Variants in DNAJB14 observed in about 807,000 individuals in gnomAD.
DNAJB14 encodes the protein dnaJ homolog subfamily B member 14.
Under a neutral mutation model 48.4 loss-of-function variants are expected in DNAJB14, and 22 were observed. The observed-to-expected ratio is 0.45, with a 90% CI of 0.32 to 0.65. The LOEUF (loss-of-function observed/expected upper bound fraction) is 0.65, where lower values mean the gene tolerates loss of function less well. Ranked by LOEUF, DNAJB14 falls within the 30% of genes least tolerant of loss-of-function variation. The probability of loss-of-function intolerance (pLI) is 0.03; values close to 1 mark genes in which losing one functional copy is unlikely to be tolerated. For synonymous variants in DNAJB14, 142 were observed against 158.7 expected (o/e 0.89, Z 0.79); for missense variants, 319 against 458.8 (o/e 0.70, Z 2.78).
At chr4:99,930,387 TATAAC>T in intron 2 of DNAJB14, 58 bp downstream of exon 2, 2 of 1,476,734 alleles carry the variant, frequency 1.4e-6, no homozygotes, top group Non-Finnish European at 1.8e-6. Context: ...TTTCAGGTGT[TATAAC>T]ATCAAAAAGT....
intron 5 of DNAJB14, chr4:99,905,960 C>A: frequency 7.6e-7 from 1 of 1,310,852 alleles, no homozygotes; most frequent in Non-Finnish European, 9.8e-7. Flanking sequence ...ATTTCTTTCT[C>A]TTTCTCTTTC....
intron 1 of DNAJB14, among the ~76,000 whole-genome samples, chr4:99,939,510 C>T (rs868473959): frequency 2.6e-5 from 4 of 152,162 alleles, no homozygotes; most frequent in Admixed American, 6.5e-5. Flanking sequence ...GGACATTTTC[C>T]ATGTTAACAC....
At chr4:99,946,061 T>C (rs1178885108) in intron 1 of DNAJB14, among the ~76,000 whole-genome samples, 1 of 152,230 alleles carries the variant, frequency 6.6e-6, no homozygotes, top group African/African-American at 2.4e-5. Context: ...CTAGGCCTTA[T>C]GTAGGACTGA....
intron 5 of DNAJB14, 89 bp from the exon 6 acceptor site, chr4:99,905,795 C>T (rs897469315): frequency 1.4e-5 from 19 of 1,402,360 alleles, no homozygotes; most frequent in South Asian, 2.5e-5. Flanking sequence ...AGGCAGAAAG[C>T]GCATTTGAGA....
intron 2 of DNAJB14, chr4:99,924,855 T>C: frequency 7.0e-7 from 1 of 1,433,486 alleles, no homozygotes; most frequent in Non-Finnish European, 9.8e-7. Flanking sequence ...TTTGACTGCA[T>C]AAAAAACTGA....
chr4:99,920,943 T>C (rs1001436354), intron 3 of DNAJB14, among the ~76,000 whole-genome samples: 2 of 152,180 alleles, frequency 1.3e-5, no homozygotes, highest in Non-Finnish European at 2.9e-5. Context: ...TGCTCAGAGA[T>C]AAATGGCTTA....
Position 99,930,580 on chromosome 4 carries a change from T to G in DNAJB14, c.175A>C (p.Asn59His). ...IIMKNGSTAG[N>H]SPHCRKPSGS... is the part of the protein sequence containing the mutation. ...GATGGTTTTCGGCAATGAGGGCTAT[T>G]TCCAGCCGTGCTTCCATTTTTCATA... The change falls in exon 2 of 8, where the codon AAT becomes CAT. Residue 59 changes from asparagine (N) to histidine (H), a missense_variant. This residue lies in a region of DNAJB14 where 116 missense variants were observed against 134.6 expected (regional missense o/e 0.86). Transcript: ENST00000442697. 6.2e-7 allele frequency: 1 copy of G among 1,611,794 alleles called. No individual in the cohort carries two copies. The highest frequency in any genetic ancestry group is 8.5e-7 in the Non-Finnish European group (1 of 1,178,826).
Position 99,923,080 on chromosome 4 carries a change from T to G in DNAJB14, c.411A>C (p.Pro137=). The G allele has an allele frequency of 3.1e-6, 5 of 1,611,168 alleles. No homozygotes were observed. Among genetic ancestry groups the G allele is most frequent in the Non-Finnish European group, 4.2e-6 (5 of 1,179,058 alleles). ...AYRKLALKFH[P]DKNHAPGATD... Reference sequence around the variant, plus strand: ...TTGCTCCAGGTGCATGGTTTTTGTCTGGATGAAACTTCAAAGCAAGCTTTC... The same window carrying G: ...TTGCTCCAGGTGCATGGTTTTTGTCGGGATGAAACTTCAAAGCAAGCTTTC... The change falls in exon 3 of 8, where the codon CCA becomes CCC. Residue 137 remains proline (P), a synonymous_variant. Coordinates refer to ENST00000442697, the MANE Select transcript of DNAJB14 (RefSeq NM_001031723.4).
At chr4:99,935,764 T>C (rs768758058) in intron 1 of DNAJB14, among the ~76,000 whole-genome samples, 38 of 152,166 alleles carry the variant, frequency 2.5e-4, no homozygotes, top group South Asian at 2.1e-4. Context: ...AGGAAGCTTA[T>C]TGGGACTCAA....
chr4:99,921,701 TA>T (rs1055615570), intron 3 of DNAJB14, among the ~76,000 whole-genome samples: 1 of 152,160 alleles, frequency 6.6e-6, no homozygotes, highest in African/African-American at 2.4e-5. Context: ...TATATGATAA[TA>T]AATTAGCTAT....
chr4:99,910,468 G>C (rs1725619932), intron 3 of DNAJB14: 1 of 151,762 alleles, frequency 6.6e-6, no homozygotes, highest in South Asian at 2.1e-4. Context: ...AACTAAAAGG[G>C]CTATCCCATG....
intron 1 of DNAJB14, among the ~76,000 whole-genome samples, chr4:99,944,974 C>T (rs1158239403): frequency 6.6e-6 from 1 of 152,162 alleles, no homozygotes; most frequent in Non-Finnish European, 1.5e-5. Flanking sequence ...CAAAAAGATA[C>T]TGCATGAATC....
chr4:99,921,134 A>G (rs141718348), intron 3 of DNAJB14, among the ~76,000 whole-genome samples: 2 of 152,296 alleles, frequency 1.3e-5, no homozygotes, highest in African/African-American at 4.8e-5. Context: ...TGAGTTTTCT[A>G]TGCAGTTTCC....
chr4:99,904,117 C>G (rs535227095), intron 6 of DNAJB14, among the ~76,000 whole-genome samples: 10 of 152,214 alleles, frequency 6.6e-5, no homozygotes, highest in Admixed American at 4.6e-4. Context: ...CAAAGCTGAC[C>G]TCATGTGATG....
chr4:99,911,220 G>C (rs987777363), intron 3 of DNAJB14, among the ~76,000 whole-genome samples: 3 of 152,090 alleles, frequency 2.0e-5, no homozygotes, highest in African/African-American at 7.2e-5. Flanking sequence ...TGTCATATAT[G>C]CCAACAGTTC....
At chr4:99,918,025 G>A (rs1725917374) in intron 3 of DNAJB14, among the ~76,000 whole-genome samples, 1 of 152,050 alleles carries the variant, frequency 6.6e-6, no homozygotes, top group Non-Finnish European at 1.5e-5. Context: ...CCAAATTTGG[G>A]AAGTTTTCAA....
chr4:99,914,608 C>T (rs963213696), intron 3 of DNAJB14, among the ~76,000 whole-genome samples: 2 of 151,262 alleles, frequency 1.3e-5, no homozygotes. Context: ...CAAACCTGCA[C>T]GTTGTGCACA....
chr4:99,923,239 A>G lies in DNAJB14; in HGVS notation c.306-54T>C, dbSNP rs1023998404. 8 of 1,467,806 alleles carry G rather than the reference A, an allele frequency of 5.5e-6. No homozygotes were observed. In the African/African-American group the frequency reaches 8.6e-5, roughly 16 times the overall value. The allele number at this position is 1,467,806 out of a possible 1,614,324, so 90.9% of individuals were successfully genotyped here. On this transcript the variant is annotated intron_variant, in intron 2 of 7. Coordinates refer to ENST00000442697, the MANE Select transcript of DNAJB14 (RefSeq NM_001031723.4). ...AAATTTCAAGGAAGACGGTCATGTA[A>G]TATCTCTAATTTTTAATTTATTAGA...
At chr4:99,933,152 G>A (rs1031237606) in intron 1 of DNAJB14, among the ~76,000 whole-genome samples, 2 of 151,732 alleles carry the variant, frequency 1.3e-5, no homozygotes, top group African/African-American at 4.8e-5. Context: ...TATGGTATGT[G>A]AATTATGTCT....
Sources: allele counts gnomAD v4.1 joint callset (sites outside exome capture counted in the v4.1 genomes callset), GRCh38; gene constraint gnomAD v4.1.1; regional missense constraint gnomAD v4.1.1; transcripts MANE v1.5; gene names NCBI Gene and HGNC (gene_info 2026-07-23, HGNC 2026-07-21).